The following LRRC40 variants were observed in gnomAD, a reference collection of about 807,000 sequenced individuals.
The protein encoded by LRRC40 is leucine rich repeat containing 40.
LRRC40 carries 76 observed loss-of-function variants against 72.8 expected under a neutral mutation model. The observed-to-expected ratio is 1.04, with a 90% CI of 0.87 to 1.26. The LOEUF is 1.26. Among genes scored for constraint, LRRC40 ranks in the 50% most tolerant of loss-of-function variants. The pLI is 0.00. For synonymous variants in LRRC40, 243 were observed against 254.2 expected, an observed-to-expected ratio of 0.96 and a Z score of 0.42; for missense variants, 684 against 698.9, an observed-to-expected ratio of 0.98 and a Z score of 0.24.
intron 1 of LRRC40, among the ~76,000 whole-genome samples, chr1:70,194,025 C>G (rs1440933671): frequency 6.6e-6 from 1 of 152,030 alleles, no homozygotes; most frequent in African/African-American, 2.4e-5. Flanking sequence ...AAAGAGTATA[C>G]AAGGCAAGGA....
intron 10 of LRRC40, 148 bp from the exon 11 acceptor site, chr1:70,155,944 T>G (rs1667628394): frequency 2.3e-6 from 1 of 434,612 alleles, no homozygotes; most frequent in African/African-American, 2.0e-5. Context: ...TGCCACATAA[T>G]CTACCAAGCC....
intron 9 of LRRC40, among the ~76,000 whole-genome samples, chr1:70,163,830 A>G (rs183440699): frequency 2.0e-4 from 31 of 152,310 alleles, no homozygotes; most frequent in Admixed American, 1.9e-3. Context: ...GCAATCAAAT[A>G]AAGTAATTAA....
Position 70,187,319 on chromosome 1 carries a change from G to T in LRRC40, c.353C>A (p.Thr118Lys). ...CTCTCTTATAGCAGAAGGAAGGGAT[G>T]TCAACTGATTATCATGTATCTAAAA... ...TVLDIHDNQLTSLPSAIRELE... is the reference protein window; with the variant it reads ...TVLDIHDNQLKSLPSAIRELE... Residue 118 changes from threonine to lysine, a missense_variant, in exon 3 of 15, where the codon ACA (threonine) becomes AAA (lysine). By Grantham distance (78) the Thr-to-Lys change is moderately conservative. Transcript: ENST00000370952. 6.4e-7 allele frequency: 1 copy of T among 1,574,386 alleles called. No individual in the cohort carries two copies. The highest frequency in any genetic ancestry group is 8.7e-7 in the Non-Finnish European group (1 of 1,148,818).
chr1:70,156,183 G>A (rs949638952), intron 10 of LRRC40, among the ~76,000 whole-genome samples: 3 of 151,988 alleles, frequency 2.0e-5, no homozygotes, highest in African/African-American at 7.2e-5. Context: ...ATCTATAAGA[G>A]GAGTTTTCTG....
At chr1:70,175,640 T>C (rs1025798445) in intron 7 of LRRC40, among the ~76,000 whole-genome samples, 170 bp downstream of exon 7, 1 of 152,210 alleles carries the variant, frequency 6.6e-6, no homozygotes, top group African/African-American at 2.4e-5. Flanking sequence ...AAGCTTGCTG[T>C]TAAAGACAAA....
intron 3 of LRRC40, 24 bp downstream of exon 3, chr1:70,187,241 T>C (rs527848225): frequency 4.3e-6 from 5 of 1,175,514 alleles, no homozygotes; most frequent in East Asian, 4.7e-5. Context: ...GGCAATAATA[T>C]AAGTAAATAA....
At position 70,189,200 on chromosome 1, in the gene LRRC40, A is replaced by C. The variant is rs1300583338; in HGVS notation, c.225T>G (p.Thr75=). The change falls in exon 2 of 15, where the codon ACT becomes ACG. Residue 75 remains threonine (T), a synonymous_variant. Coordinates refer to ENST00000370952, the MANE Select transcript of LRRC40 (RefSeq NM_017768.5). ...EANQNLSFGA[T]ERWWEQTDLT... The stretch of plus-strand genomic sequence containing the variant: ...AATCTGTCTGCTCCCACCATCTTTC[A>C]GTAGCACCAAACGAAAGATTCTGAT... 1.2e-6 allele frequency: 2 copies of C among 1,613,556 alleles called. No homozygotes were observed. The highest frequency in any genetic ancestry group is 1.3e-5 in the African/African-American group (1 of 74,884).
intron 1 of LRRC40, among the ~76,000 whole-genome samples, chr1:70,199,444 A>C (rs1051170196): frequency 1.3e-5 from 2 of 152,156 alleles, no homozygotes; most frequent in African/African-American, 4.8e-5. Context: ...ATCCTCGCAC[A>C]ATATGGGTTT....
intron 12 of LRRC40, chr1:70,151,721 T>C (rs1341885001): frequency 6.6e-6 from 1 of 152,004 alleles, no homozygotes; most frequent in African/African-American, 2.4e-5. Context: ...AATTTAAATT[T>C]ACACAATGAC....
At chr1:70,164,836 C>T (rs1667844926) in intron 9 of LRRC40, among the ~76,000 whole-genome samples, 1 of 152,072 alleles carries the variant, frequency 6.6e-6, no homozygotes, top group Non-Finnish European at 1.5e-5. Context: ...ACAATAAAAA[C>T]AAATTTTTAA....
chr1:70,167,597 G>C (rs1026367128), intron 9 of LRRC40, among the ~76,000 whole-genome samples: 1 of 151,978 alleles, frequency 6.6e-6, no homozygotes, highest in Non-Finnish European at 1.5e-5. Flanking sequence ...AATAATTTAA[G>C]GCCTCTGAAA....
intron 1 of LRRC40, 64 bp downstream of exon 1, chr1:70,205,326 G>T: frequency 7.0e-7 from 1 of 1,438,748 alleles, no homozygotes; most frequent in Non-Finnish European, 9.4e-7. Context: ...AGAGAAAAGG[G>T]AGGTTGCCTG....
intron 1 of LRRC40, among the ~76,000 whole-genome samples, chr1:70,204,413 G>C (rs987292541): frequency 6.6e-6 from 1 of 152,246 alleles, no homozygotes; most frequent in East Asian, 1.9e-4. Context: ...AGCATGATAG[G>C]TATGCAAGTT....
chr1:70,197,065 C>T (rs1275584774), intron 1 of LRRC40, among the ~76,000 whole-genome samples: 1 of 152,164 alleles, frequency 6.6e-6, no homozygotes, highest in East Asian at 1.9e-4. Flanking sequence ...AAATGCCCTA[C>T]GTTGGCACTA....
At chr1:70,151,307 G>A (rs965540772) in intron 12 of LRRC40, 102 bp from the exon 13 acceptor site, 31 of 648,774 alleles carry the variant, frequency 4.8e-5, no homozygotes, top group Non-Finnish European at 7.6e-5. Flanking sequence ...ATGTAGATCA[G>A]TTTGTCAATC....
chr1:70,175,810 C>T lies in LRRC40; in HGVS notation c.977G>A (p.Ser326Asn), dbSNP rs757932451. The T allele has an allele frequency of 1.3e-6, 2 of 1,529,654 alleles. No individual in the cohort carries two copies. Among genetic ancestry groups the T allele is most frequent in the South Asian group, 1.3e-5 (1 of 78,994 alleles). The allele number at this position is 1,529,654 out of a possible 1,614,324, so 94.8% of individuals were successfully genotyped here. The change falls in exon 7 of 15, where the codon AGT becomes AAT. Residue 326 changes from serine (S) to asparagine (N), a missense_variant and splice_region_variant. By Grantham distance (46) the Ser-to-Asn change is conservative. Transcript: ENST00000370952. ...CTATTCATTTGATATTTAAACTTAC[C>T]TACTAATATCATTGTTGCTTAGGTC... ...RLDLSNNDIS[S>N]LPYSLGNLHL...
At chr1:70,200,929 T>C (rs1410193205) in intron 1 of LRRC40, among the ~76,000 whole-genome samples, 1 of 152,182 alleles carries the variant, frequency 6.6e-6, no homozygotes, top group Non-Finnish European at 1.5e-5. Flanking sequence ...CCAAGCACTT[T>C]GGGAGACTGA....
chr1:70,155,103 ACT>A (rs1467407762), intron 11 of LRRC40, among the ~76,000 whole-genome samples: 1 of 152,150 alleles, frequency 6.6e-6, no homozygotes, highest in Admixed American at 6.5e-5. Flanking sequence ...CTAAATTAAC[ACT>A]CATAATCTAA....
chr1:70,146,080 A>G (rs1667282846), intron 14 of LRRC40, among the ~76,000 whole-genome samples, 175 bp from the exon 15 acceptor site: 1 of 152,078 alleles, frequency 6.6e-6, no homozygotes, highest in Non-Finnish European at 1.5e-5. Flanking sequence ...CCTGAAGTGC[A>G]GAGGTGCAAT....
Sources: gnomAD v4.1 joint callset for allele counts (sites outside exome capture counted in the v4.1 genomes callset) on GRCh38, gnomAD v4.1.1 for gene constraint, MANE v1.5 for transcripts, NCBI Gene and HGNC (gene_info 2026-07-23, HGNC 2026-07-21) for gene names.